The following CAMTA1 variants were observed in gnomAD, a reference collection of about 807,000 sequenced individuals.
CAMTA1 encodes the protein calmodulin-binding transcription activator 1.
Under a neutral mutation model 170.9 loss-of-function variants are expected in CAMTA1, and 27 were observed. The ratio of observed to expected loss-of-function variants is 0.16; its 90% CI spans 0.12 to 0.22. The LOEUF is 0.22. Ranked by LOEUF, CAMTA1 falls within the 10% of genes least tolerant of loss-of-function variation. The pLI is 1.00. For missense variants in CAMTA1, 1,619 were observed against 2,217.2 expected (o/e 0.73, Z 5.42); for synonymous variants, 833 against 891.5 (o/e 0.93, Z 1.17).
At chr1:6,804,956 T>C (rs1351367513) in intron 1 of CAMTA1, among the ~76,000 whole-genome samples, 2 of 152,250 alleles carry the variant, frequency 1.3e-5, no homozygotes, top group Non-Finnish European at 2.9e-5. Flanking sequence ...TATTCCACTT[T>C]TTGGCTATTA....
At chr1:6,829,728 CG>C (rs1424444132) in intron 3 of CAMTA1, among the ~76,000 whole-genome samples, 1 of 152,092 alleles carries the variant, frequency 6.6e-6, no homozygotes, top group African/African-American at 2.4e-5. Flanking sequence ...AAGTGGGGGA[CG>C]GGGGAGTTCA....
chr1:7,348,248 T>C (rs1557562698), intron 5 of CAMTA1, among the ~76,000 whole-genome samples: 1 of 152,242 alleles, frequency 6.6e-6, no homozygotes, highest in Non-Finnish European at 1.5e-5. Context: ...CTGGCCCAGC[T>C]TCAGCGTTCT....
At chr1:7,320,669 T>G (rs2149681364) in intron 5 of CAMTA1, among the ~76,000 whole-genome samples, 1 of 150,190 alleles carries the variant, frequency 6.7e-6, no homozygotes, top group African/African-American at 2.5e-5. Flanking sequence ...TTTTTTTTTT[T>G]TTTTTGCTAT....
intron 5 of CAMTA1, among the ~76,000 whole-genome samples, chr1:7,374,611 T>C (rs1425088031): frequency 6.6e-6 from 1 of 152,228 alleles, no homozygotes; most frequent in Non-Finnish European, 1.5e-5. Context: ...GCCACACCTA[T>C]TGGTGGATGG....
intron 5 of CAMTA1, among the ~76,000 whole-genome samples, chr1:7,349,247 C>T (rs893144594): frequency 6.6e-6 from 1 of 152,202 alleles, no homozygotes; most frequent in African/African-American, 2.4e-5. Flanking sequence ...ATTCTTTTCT[C>T]CAGCATCAGC....
rs930259218 is a variant in CAMTA1 at position 7,195,338 on chromosome 1, C to T, written c.303-54153C>T. 4.6e-5 allele frequency among the ~76,000 whole-genome samples: 7 copies of T among 152,314 alleles called. No homozygotes were observed. Among genetic ancestry groups the T allele is most frequent in the East Asian group, 1.9e-4 (1 of 5,174 alleles). On this transcript the variant is annotated intron_variant, in intron 4 of 22. Coordinates refer to ENST00000303635, the MANE Select transcript of CAMTA1 (RefSeq NM_015215.4). The surrounding 1 kb of genome is among the most constrained non-coding windows in gnomAD (Gnocchi z 4.1). ...AGTGCGACTTCATGGCACAGATTTT[C>T]GGAGTCCAAGTGTTGCTATACACAT...
intron 3 of CAMTA1, among the ~76,000 whole-genome samples, chr1:6,867,653 G>A (rs1170160166): frequency 1.3e-5 from 2 of 152,126 alleles, no homozygotes; most frequent in Non-Finnish European, 2.9e-5. Context: ...AACATGAAAT[G>A]GTAATAAAAA....
At position 7,622,950 on chromosome 1, in the gene CAMTA1, T is replaced by C. The variant is rs576512980; in HGVS notation, c.511-17450T>C. Among the ~76,000 whole-genome samples the C allele has an allele frequency of 7.2e-5, 11 of 152,324 alleles. No homozygotes were observed. The South Asian group carries it at 2.1e-3, about 29-fold the overall frequency. The stretch of plus-strand genomic sequence containing the variant: ...CTGTGAGCCCGAGTCTGTCCTGAGG[T>C]CTTCGTCCCTATTCCCTGTGCCTGA... On this transcript the variant is annotated intron_variant, in intron 6 of 22. Coordinates refer to ENST00000303635, the MANE Select transcript of CAMTA1 (RefSeq NM_015215.4).
At chr1:7,506,979 T>C (rs2094125652) in intron 6 of CAMTA1, among the ~76,000 whole-genome samples, 1 of 149,764 alleles carries the variant, frequency 6.7e-6, no homozygotes, top group Non-Finnish European at 1.5e-5. Context: ...GCACTTGCTC[T>C]GATACTGACA....
intron 6 of CAMTA1, among the ~76,000 whole-genome samples, chr1:7,548,833 G>C (rs12759069): frequency 1.2e-5 from 1 of 86,148 alleles, no homozygotes; most frequent in Non-Finnish European, 2.7e-5. Context: ...AGGGGTGGAG[G>C]TGCCCGTGGA....
intron 1 of CAMTA1, among the ~76,000 whole-genome samples, chr1:6,791,611 TC>T (rs1449899824): frequency 2.6e-5 from 4 of 152,342 alleles, no homozygotes; most frequent in African/African-American, 9.6e-5. Context: ...CTCCTAATGT[TC>T]CTTTGCCTGT....
Position 7,682,054 on chromosome 1 carries a change from G to T in CAMTA1, c.2914+4321G>T, listed in dbSNP as rs1282146509. 6.7e-6 allele frequency among the ~76,000 whole-genome samples: 1 copy of T among 149,390 alleles called. No individual in the cohort carries two copies. The highest frequency in any genetic ancestry group is 1.5e-5 in the Non-Finnish European group (1 of 67,782). On this transcript the variant is annotated intron_variant, in intron 11 of 22. Coordinates refer to ENST00000303635, the MANE Select transcript of CAMTA1 (RefSeq NM_015215.4). The surrounding 1 kb of genome is among the most constrained non-coding windows in gnomAD (Gnocchi z 5.0). ...CGCTTAGACTTAGACTCTATTTTCA[G>T]TGCTTCTCAGGCAACTGAGCCTCCT...
intron 4 of CAMTA1, among the ~76,000 whole-genome samples, chr1:7,139,004 T>A (rs2032536): frequency 0.33 from 47,083 of 142,074 alleles, 8,362 homozygotes; most frequent in Middle Eastern, 0.43. Context: ...CAAAAAAATA[T>A]ATATATATAT....
intron 16 of CAMTA1, among the ~76,000 whole-genome samples, chr1:7,744,069 C>T (rs1409457443): frequency 4.0e-5 from 6 of 150,284 alleles, no homozygotes; most frequent in East Asian, 2.0e-4. Flanking sequence ...CCTCGTGATC[C>T]GCCAGCCTTG....
chr1:7,392,039 G>T (rs1462782870), intron 5 of CAMTA1, among the ~76,000 whole-genome samples: 14 of 152,162 alleles, frequency 9.2e-5, no homozygotes, highest in Admixed American at 9.2e-4. Context: ...AAGATTGCCA[G>T]GTCGTATAGT....
At chr1:6,935,769 A>G (rs1685200179) in intron 3 of CAMTA1, among the ~76,000 whole-genome samples, 1 of 152,218 alleles carries the variant, frequency 6.6e-6, no homozygotes, top group Non-Finnish European at 1.5e-5. Context: ...CCGACAGTGG[A>G]TGCTCATGTT....
intron 5 of CAMTA1, among the ~76,000 whole-genome samples, chr1:7,373,931 A>G (rs1488255191): frequency 6.6e-6 from 1 of 152,216 alleles, no homozygotes; most frequent in Non-Finnish European, 1.5e-5. Flanking sequence ...TCCTTGGGTA[A>G]TAAAGAATGC....
chr1:7,495,917 AG>A (rs2093819363), intron 6 of CAMTA1, among the ~76,000 whole-genome samples: 1 of 152,124 alleles, frequency 6.6e-6, no homozygotes, highest in South Asian at 2.1e-4. Flanking sequence ...GCCTGTTCCC[AG>A]GGTCCTGTCT....
chr1:7,519,478 G>A (rs1750818), intron 6 of CAMTA1, among the ~76,000 whole-genome samples: 79,595 of 151,772 alleles, frequency 0.52, 22,123 homozygotes, highest in Non-Finnish European at 0.61. Flanking sequence ...AGGAGCCTTG[G>A]AGATGCAGGC....
Sources: gnomAD v4.1 joint callset for allele counts (sites outside exome capture counted in the v4.1 genomes callset) on GRCh38, gnomAD v4.1.1 for gene constraint, Gnocchi (gnomAD v3.1) non-coding constraint, MANE v1.5 for transcripts, NCBI Gene and HGNC (gene_info 2026-07-23, HGNC 2026-07-21) for gene names.